Variants in RALGAPA1 observed in about 807,000 individuals in gnomAD.
RALGAPA1 encodes Ral GTPase activating protein catalytic subunit alpha 1, also known as ral GTPase-activating protein subunit alpha-1.
A neutral mutation model predicts 269.6 loss-of-function variants in RALGAPA1; 52 were observed. That is an observed-to-expected ratio of 0.19 (90% confidence interval 0.15 to 0.24). The LOEUF is 0.24. Among genes scored for constraint, RALGAPA1 ranks in the 10% least tolerant of loss-of-function variants. The probability of loss-of-function intolerance (pLI) is 1.00; values close to 1 mark genes in which losing one functional copy is unlikely to be tolerated. For synonymous variants in RALGAPA1, 817 were observed against 1,008.3 expected (o/e 0.81, Z 3.60); for missense variants, 1,917 against 3,013.9 (o/e 0.64, Z 8.52).
chr14:35,748,854 GAAAC>G (rs1241679904), intron 9 of RALGAPA1, 30 bp from the exon 10 acceptor site: 7 of 1,534,728 alleles, frequency 4.6e-6, no homozygotes, highest in Non-Finnish European at 6.1e-6. Context: ...AAAAAAGAGA[GAAAC>G]AATATCATAA....
At chr14:35,678,147 T>A (rs779210740) in intron 21 of RALGAPA1, 45 bp from the exon 22 acceptor site, 1 of 1,556,266 alleles carries the variant, frequency 6.4e-7, no homozygotes, top group South Asian at 1.2e-5. Flanking sequence ...GTATTCAATA[T>A]CCTACCTAAG....
At position 35,721,691 on chromosome 14, in the gene RALGAPA1, C is replaced by T. The variant is rs2140955433; in HGVS notation, c.2263G>A (p.Val755Ile). Reference protein sequence around the residue: ...KARSIVRQKTVAMRSRSIGEC... With the variant: ...KARSIVRQKTIAMRSRSIGEC... ...CATGATTTTCAAGAGTACATACCGACAGTTTTTTGCCGTACTATACTCCTC... is the reference window on the plus strand; with the variant it reads ...CATGATTTTCAAGAGTACATACCGATAGTTTTTTGCCGTACTATACTCCTC... The change falls in exon 16 of 42, where the codon GTC becomes ATC. Residue 755 changes from valine (V) to isoleucine (I), a missense_variant. Around this residue, in one of 11 missense-constraint regions of RALGAPA1, gnomAD observed 125 missense variants for 155.7 expected, o/e 0.80. Coordinates refer to ENST00000680220, the MANE Select transcript of RALGAPA1 (RefSeq NM_001346249.2). 1 of 1,612,570 alleles carries T rather than the reference C, an allele frequency of 6.2e-7. No homozygotes were observed. The highest frequency in any genetic ancestry group is 2.2e-5 in the East Asian group (1 of 44,874).
intron 35 of RALGAPA1, among the ~76,000 whole-genome samples, chr14:35,624,803 CTAAGGTTTGCT>C (rs1446759199): frequency 6.6e-6 from 1 of 152,058 alleles, no homozygotes; most frequent in African/African-American, 2.4e-5. Flanking sequence ...AGAGATGTGA[CTAAGGTTTGCT>C]TAAACATGGG....
chr14:35,632,327 A>G (rs962788005), intron 33 of RALGAPA1, among the ~76,000 whole-genome samples: 2 of 152,202 alleles, frequency 1.3e-5, no homozygotes, highest in Non-Finnish European at 2.9e-5. Context: ...GGAGATATCG[A>G]TGCTTCTAAG....
chr14:35,633,101 C>T (rs1375397806), intron 33 of RALGAPA1, among the ~76,000 whole-genome samples: 1 of 152,120 alleles, frequency 6.6e-6, no homozygotes, highest in Non-Finnish European at 1.5e-5. Flanking sequence ...TTTACAGTGA[C>T]TGATATTGGC....
At chr14:35,544,494 G>A (rs2054282609) in intron 41 of RALGAPA1, among the ~76,000 whole-genome samples, 1 of 152,070 alleles carries the variant, frequency 6.6e-6, no homozygotes, top group African/African-American at 2.4e-5. Flanking sequence ...CACAGTGTCT[G>A]GCACTCAGTA....
chr14:35,792,106 T>C (rs774986476), intron 1 of RALGAPA1, among the ~76,000 whole-genome samples: 43 of 152,040 alleles, frequency 2.8e-4, no homozygotes, highest in Non-Finnish European at 5.6e-4. Flanking sequence ...TTTTGTACTG[T>C]ATCACATAGG....
chr14:35,768,281 A>G (rs920560239), intron 4 of RALGAPA1, among the ~76,000 whole-genome samples: 2 of 152,184 alleles, frequency 1.3e-5, no homozygotes, highest in African/African-American at 4.8e-5. Context: ...GAGTCTCACT[A>G]TGTTGCTCAA....
At chr14:35,795,979 G>A (rs2076535827) in intron 1 of RALGAPA1, among the ~76,000 whole-genome samples, 1 of 151,896 alleles carries the variant, frequency 6.6e-6, no homozygotes, top group Non-Finnish European at 1.5e-5. Flanking sequence ...TACAGATATA[G>A]GAAAATATCC....
chr14:35,606,827 C>A (rs572244837), intron 35 of RALGAPA1, among the ~76,000 whole-genome samples: 1 of 151,094 alleles, frequency 6.6e-6, no homozygotes, highest in Non-Finnish European at 1.5e-5. Context: ...AGTCTGACAA[C>A]CAAATTTTCC....
chr14:35,738,476 T>TTTAAAAA, intron 12 of RALGAPA1, 37 bp downstream of exon 12: 1 of 1,475,264 alleles, frequency 6.8e-7, no homozygotes, highest in Non-Finnish European at 9.1e-7. Flanking sequence ...TATTTAATGA[T>TTTAAAAA]TATTTTATTT....
At chr14:35,739,897 G>A (rs1417786635) in intron 11 of RALGAPA1, among the ~76,000 whole-genome samples, 5 of 152,028 alleles carry the variant, frequency 3.3e-5, no homozygotes, top group Admixed American at 3.3e-4. Flanking sequence ...AGGCTTTCCA[G>A]TTTCTAGAAT....
At chr14:35,609,494 T>C (rs1367302763) in intron 35 of RALGAPA1, among the ~76,000 whole-genome samples, 18 of 152,176 alleles carry the variant, frequency 1.2e-4, no homozygotes, top group Non-Finnish European at 1.5e-5. Context: ...AATGAAAATA[T>C]GGCCTGTAAG....
chr14:35,597,248 C>T (rs1039023296), intron 36 of RALGAPA1, among the ~76,000 whole-genome samples: 3 of 152,200 alleles, frequency 2.0e-5, no homozygotes, highest in Non-Finnish European at 4.4e-5. Context: ...TTGCCCTCCA[C>T]AGATGCCACC....
intron 10 of RALGAPA1, among the ~76,000 whole-genome samples, chr14:35,744,264 G>C (rs1436534864): frequency 2.0e-5 from 3 of 151,394 alleles, no homozygotes; most frequent in South Asian, 2.1e-4. Flanking sequence ...CCAGCTACTT[G>C]AGAGGCTGAG....
intron 4 of RALGAPA1, among the ~76,000 whole-genome samples, chr14:35,764,153 C>T (rs921627779): frequency 4.6e-5 from 7 of 150,774 alleles, no homozygotes; most frequent in Non-Finnish European, 7.4e-5. Flanking sequence ...AATAGTGGTG[C>T]AATCATAGAT....
Position 35,723,139 on chromosome 14 carries a change from C to T in RALGAPA1, c.1992G>A (p.Leu664=). 1 of 1,608,618 alleles carries T rather than the reference C, an allele frequency of 6.2e-7. No homozygotes were observed. The highest frequency in any genetic ancestry group is 8.5e-7 in the Non-Finnish European group (1 of 1,175,104). ...AAACTTTAGTTAATGTCTCCATAGT[C>T]AGTGACCACTCAGTGGCCAACTCTT... The part of the protein sequence containing the change: ...YWEELATEWS[L]TMETLTKVLA... The change falls in exon 15 of 42, where the codon CTG becomes CTA. Residue 664 remains leucine, a synonymous_variant. Transcript: ENST00000680220.
At chr14:35,766,175 CT>C (rs1159823691) in intron 4 of RALGAPA1, 1 of 851,234 alleles carries the variant, frequency 1.2e-6, no homozygotes, top group Non-Finnish European at 2.1e-6. Context: ...CAAACTATGG[CT>C]TAGTTTCCCA....
intron 33 of RALGAPA1, 98 bp from the exon 34 acceptor site, chr14:35,628,049 T>C (rs2061099555): frequency 7.7e-7 from 1 of 1,302,842 alleles, no homozygotes; most frequent in Admixed American, 2.4e-5. Context: ...TTTATCACAT[T>C]GTTAATATTT....
Sources: allele counts gnomAD v4.1 joint callset (sites outside exome capture counted in the v4.1 genomes callset), GRCh38; gene constraint gnomAD v4.1.1; regional missense constraint gnomAD v4.1.1; transcripts MANE v1.5; gene names NCBI Gene and HGNC (gene_info 2026-07-23, HGNC 2026-07-21).